Variants in NALF1 observed in about 807,000 individuals in gnomAD.
NALF1 encodes the protein family with sequence similarity 155 member A.
Under a neutral mutation model 48.4 loss-of-function variants are expected in NALF1, and 3 were observed. The ratio of observed to expected loss-of-function variants is 0.06; its 90% CI spans 0.03 to 0.16. The LOEUF is 0.16. Ranked by LOEUF, NALF1 falls within the 10% of genes least tolerant of loss-of-function variation. The probability of loss-of-function intolerance (pLI) is 1.00; values close to 1 mark genes in which losing one functional copy is unlikely to be tolerated. For synonymous variants in NALF1, 262 were observed against 245.7 expected (o/e 1.07, Z -0.62); for missense variants, 526 against 571.5 (o/e 0.92, Z 0.81).
intron 1 of NALF1, among the ~76,000 whole-genome samples, chr13:107,300,671 T>A (rs1881819694): frequency 6.6e-6 from 1 of 152,210 alleles, no homozygotes; most frequent in Non-Finnish European, 1.5e-5. Flanking sequence ...GCAGTTGCCA[T>A]TTCCTTATTG....
intron 1 of NALF1, among the ~76,000 whole-genome samples, chr13:107,627,870 C>T (rs1215107912): frequency 6.6e-6 from 1 of 152,034 alleles, no homozygotes; most frequent in Non-Finnish European, 1.5e-5. Context: ...TGAAACCAAA[C>T]TCGCTGGACA....
At chr13:107,439,406 A>T (rs1384218646) in intron 1 of NALF1, among the ~76,000 whole-genome samples, 1 of 152,234 alleles carries the variant, frequency 6.6e-6, no homozygotes, top group African/African-American at 2.4e-5. Context: ...GTTTTCACCA[A>T]TACTCAGTTC....
intron 1 of NALF1, among the ~76,000 whole-genome samples, chr13:107,564,095 T>A (rs2138395772): frequency 6.6e-6 from 1 of 152,262 alleles, no homozygotes; most frequent in Admixed American, 6.5e-5. Flanking sequence ...TTGGGAAAGA[T>A]GCTTGGAAAG....
At chr13:107,771,086 C>G in intron 1 of NALF1, among the ~76,000 whole-genome samples, 1 of 152,116 alleles carries the variant, frequency 6.6e-6, no homozygotes, top group Non-Finnish European at 1.5e-5. Flanking sequence ...ATTTATCTAT[C>G]TATGTATTCT....
chr13:107,445,098 T>C (rs1013189135), intron 1 of NALF1, among the ~76,000 whole-genome samples: 3 of 152,180 alleles, frequency 2.0e-5, no homozygotes, highest in Non-Finnish European at 4.4e-5. Context: ...TTTTCAGATT[T>C]CCACAAGCAC....
At chr13:107,567,379 TAGGACCTCAAGTCAGAA>T (rs1300134136) in intron 1 of NALF1, among the ~76,000 whole-genome samples, 2 of 152,224 alleles carry the variant, frequency 1.3e-5, no homozygotes, top group Non-Finnish European at 2.9e-5. Flanking sequence ...AAAGACTTAC[TAGGACCTCAAGTCAGAA>T]ATTAATTAGA....
At chr13:107,174,813 T>C (rs1364136346) in intron 2 of NALF1, among the ~76,000 whole-genome samples, 3 of 151,724 alleles carry the variant, frequency 2.0e-5, no homozygotes, top group Non-Finnish European at 1.5e-5. Context: ...GTGCATGGAA[T>C]CCTGGTGGTC....
chr13:107,445,351 ACTAG>A (rs35303486), intron 1 of NALF1, among the ~76,000 whole-genome samples: 33,364 of 151,976 alleles, frequency 0.22, 4,043 homozygotes, highest in East Asian at 0.33. Context: ...AACTTTTGAG[ACTAG>A]CTATTTTCCA....
intron 1 of NALF1, among the ~76,000 whole-genome samples, chr13:107,259,112 T>C (rs979774290): frequency 2.6e-5 from 4 of 152,306 alleles, no homozygotes; most frequent in African/African-American, 9.6e-5. Context: ...GGATTTCCTT[T>C]CTGCATCAGG....
Position 107,170,350 on chromosome 13 carries a change from G to A in NALF1, c.*147C>T. ...AAAGCTGTGGTTGTGTCCTTGTTTG[G>A]ATTCAGGCCCATCTGTTTAAATTTT... On this transcript the variant is annotated 3_prime_UTR_variant, in exon 3 of 3. Transcript: ENST00000375915. 1 of 676,224 alleles carries A rather than the reference G, an allele frequency of 1.5e-6. No homozygotes were observed. The highest frequency in any genetic ancestry group is 2.3e-5 in the South Asian group (1 of 44,434). The allele number at this position is 676,224 out of a possible 1,614,324, so 41.9% of individuals were successfully genotyped here. A position where few individuals can be genotyped will look rare whatever the true frequency, so the allele number is the denominator to read the frequency against.
intron 2 of NALF1, among the ~76,000 whole-genome samples, chr13:107,193,182 A>C (rs1421150855): frequency 6.6e-6 from 1 of 152,088 alleles, no homozygotes; most frequent in African/African-American, 2.4e-5. Context: ...GCACTTACTA[A>C]ATATTTTTAA....
intron 1 of NALF1, among the ~76,000 whole-genome samples, chr13:107,426,351 C>T (rs972305054): frequency 5.9e-5 from 9 of 152,068 alleles, no homozygotes; most frequent in Non-Finnish European, 1.2e-4. Flanking sequence ...TGCTTGACAG[C>T]GCCAAGAGAA....
At chr13:107,429,051 G>A (rs554285588) in intron 1 of NALF1, among the ~76,000 whole-genome samples, 5 of 152,240 alleles carry the variant, frequency 3.3e-5, no homozygotes, top group South Asian at 2.1e-4. Context: ...AGCCGGGCAC[G>A]GTGGCTCACG....
intron 1 of NALF1, among the ~76,000 whole-genome samples, chr13:107,830,709 C>G (rs1398154994): frequency 6.6e-6 from 1 of 152,132 alleles, no homozygotes; most frequent in Non-Finnish European, 1.5e-5. Context: ...TCCGTGTGAT[C>G]TCACCCCTTC....
intron 1 of NALF1, among the ~76,000 whole-genome samples, chr13:107,664,989 TC>T (rs1880821543): frequency 6.6e-6 from 1 of 151,808 alleles, no homozygotes. Context: ...AAAAAAAATG[TC>T]AAAATTTCCA....
chr13:107,845,536 T>C (rs1212974828), intron 1 of NALF1, among the ~76,000 whole-genome samples: 3 of 152,160 alleles, frequency 2.0e-5, no homozygotes, highest in African/African-American at 7.2e-5. Flanking sequence ...ATCTGAAACA[T>C]TATCCCCACA....
At chr13:107,607,413 T>C (rs992361541) in intron 1 of NALF1, among the ~76,000 whole-genome samples, 2 of 152,148 alleles carry the variant, frequency 1.3e-5, no homozygotes, top group African/African-American at 4.8e-5. Context: ...GAAACGAATA[T>C]AGATTTAATA....
intron 1 of NALF1, among the ~76,000 whole-genome samples, chr13:107,685,769 T>C (rs1162409831): frequency 6.6e-6 from 1 of 152,190 alleles, no homozygotes; most frequent in Non-Finnish European, 1.5e-5. Flanking sequence ...AAAGGGGTGA[T>C]TGATTCGTGA....
intron 1 of NALF1, among the ~76,000 whole-genome samples, chr13:107,605,021 G>C (rs1879027076): frequency 6.6e-6 from 1 of 152,122 alleles, no homozygotes; most frequent in African/African-American, 2.4e-5. Flanking sequence ...GCAGTTTACA[G>C]GTAAGAAAAC....
Sources: allele counts gnomAD v4.1 joint callset (sites outside exome capture counted in the v4.1 genomes callset), GRCh38; gene constraint gnomAD v4.1.1; transcripts MANE v1.5; gene names NCBI Gene and HGNC (gene_info 2026-07-23, HGNC 2026-07-21).